The following IGSF10 variants were observed in gnomAD, a reference collection of about 807,000 sequenced individuals.
The protein encoded by IGSF10 is immunoglobulin superfamily member 10.
Under a neutral mutation model 128.2 loss-of-function variants are expected in IGSF10, and 126 were observed. The observed-to-expected ratio is 0.98, with a 90% confidence interval of 0.85 to 1.14. IGSF10 has a LOEUF of 1.14. Among genes scored for constraint, IGSF10 ranks in the 50% most tolerant of loss-of-function variants. IGSF10 has a pLI of 0.00. For synonymous variants in IGSF10, 1,185 were observed against 1,146.2 expected (o/e 1.03, Z -0.68); for missense variants, 3,295 against 3,149.8 (o/e 1.05, Z -1.10).
chr3:151,585,285 T>A, the IGSF10 span, among the ~76,000 whole-genome samples: 2 of 152,330 alleles, frequency 1.3e-5, no homozygotes, highest in South Asian at 4.1e-4. Context: ...TTGACTGTGT[T>A]TATTTCATTT....
chr3:151,435,664 A>AAATT (rs1449611289), downstream of IGSF10: 1 of 152,194 alleles, frequency 6.6e-6, no homozygotes, highest in African/African-American at 2.4e-5. Context: ...GATGCTGGAG[A>AAATT]AATTACACTG....
chr3:151,449,376 G>A (rs1721400814), intron 5 of IGSF10, 111 bp from the exon 6 acceptor site: 11 of 1,076,948 alleles, frequency 1.0e-5, no homozygotes, highest in Non-Finnish European at 1.3e-5. Context: ...AAATTTTAGT[G>A]TTCAATGGAA....
chr3:151,493,402 C>T, the IGSF10 span, among the ~76,000 whole-genome samples: 8 of 152,176 alleles, frequency 5.3e-5, no homozygotes, highest in South Asian at 1.4e-3. Flanking sequence ...GATGGACCCC[C>T]ATATACCAGG....
chr3:151,595,542 A>G, the IGSF10 span, among the ~76,000 whole-genome samples: 3 of 148,892 alleles, frequency 2.0e-5, no homozygotes, highest in African/African-American at 7.3e-5. Flanking sequence ...ATATTCTATT[A>G]TAGAATAAAA....
the IGSF10 span, among the ~76,000 whole-genome samples, chr3:151,587,541 AT>A: frequency 6.6e-6 from 1 of 152,074 alleles, no homozygotes; most frequent in Admixed American, 6.6e-5. Context: ...TATTGCTTGT[AT>A]AGGATTACAA....
chr3:151,520,580 T>C, the IGSF10 span, among the ~76,000 whole-genome samples: 18 of 151,770 alleles, frequency 1.2e-4, no homozygotes, highest in Middle Eastern at 3.2e-3. Flanking sequence ...CTATATTCAA[T>C]ATCTTTAAAG....
At chr3:151,537,761 T>G in the IGSF10 span, among the ~76,000 whole-genome samples, 1 of 152,192 alleles carries the variant, frequency 6.6e-6, no homozygotes, top group Admixed American at 6.5e-5. Context: ...TGTCAAGCTC[T>G]CTGATCTGTA....
the IGSF10 span, among the ~76,000 whole-genome samples, chr3:151,600,866 C>T: frequency 1.3e-5 from 2 of 152,020 alleles, no homozygotes; most frequent in African/African-American, 4.8e-5. Context: ...TGAAGTTGGA[C>T]ATTGTTTCAT....
rs758158018 is a variant in IGSF10, at chr3:151,445,527, GCTCT to G, written c.4450_4453del (p.Arg1484GlnfsTer14). The G allele has an allele frequency of 3.7e-6, 6 of 1,614,174 alleles. No individual in the cohort carries two copies. The highest frequency in any genetic ancestry group is 1.7e-5 in the Admixed American group (1 of 60,024). ...GGGAGTCGCCACGTTGTCAGTAACT[GCTCT>G]CTGAGTAAAGGGAGGGGAGATGGGA... On this transcript the variant is annotated frameshift_variant, in exon 6 of 8. Coordinates refer to ENST00000282466, the MANE Select transcript of IGSF10 (RefSeq NM_178822.5). LOFTEE classifies it high-confidence loss of function.
At chr3:151,511,928 T>C in the IGSF10 span, among the ~76,000 whole-genome samples, 3 of 152,114 alleles carry the variant, frequency 2.0e-5, no homozygotes, top group African/African-American at 7.2e-5. Flanking sequence ...CCTAAATATA[T>C]ATGCACCCAA....
chr3:151,512,849 A>C, the IGSF10 span, among the ~76,000 whole-genome samples: 1 of 152,222 alleles, frequency 6.6e-6, no homozygotes, highest in East Asian at 1.9e-4. Context: ...TATGCAAATA[A>C]ACTACAAAAT....
the IGSF10 span, among the ~76,000 whole-genome samples, chr3:151,525,718 C>T: frequency 2.8e-4 from 42 of 152,206 alleles, no homozygotes; most frequent in African/African-American, 9.2e-4. Context: ...ACATGCCCCA[C>T]TCCATACCCT....
At chr3:151,449,680 G>A (rs1256929985) in intron 5 of IGSF10, among the ~76,000 whole-genome samples, 2 of 152,172 alleles carry the variant, frequency 1.3e-5, no homozygotes, top group Non-Finnish European at 2.9e-5. Flanking sequence ...GGACCTCACT[G>A]TTCTTTAAAA....
chr3:151,529,906 C>T, the IGSF10 span, among the ~76,000 whole-genome samples: 2 of 151,982 alleles, frequency 1.3e-5, no homozygotes, highest in East Asian at 3.9e-4. Context: ...TAATAACAAA[C>T]TCCTCCGAGT....
chr3:151,524,520 C>T, the IGSF10 span, among the ~76,000 whole-genome samples: 1 of 152,126 alleles, frequency 6.6e-6, no homozygotes, highest in Non-Finnish European at 1.5e-5. Context: ...AGCAAACTAA[C>T]ACAGGAACAG....
the IGSF10 span, among the ~76,000 whole-genome samples, chr3:151,539,814 A>ATCTG: frequency 7.0e-6 from 1 of 142,464 alleles, no homozygotes; most frequent in African/African-American, 2.6e-5. Context: ...CTATCTATCT[A>ATCTG]TCATCTATCT....
At chr3:151,614,706 G>A in the IGSF10 span, among the ~76,000 whole-genome samples, 1 of 151,990 alleles carries the variant, frequency 6.6e-6, no homozygotes, top group African/African-American at 2.4e-5. Flanking sequence ...AGCATTAGGC[G>A]ACATACCTAA....
chr3:151,535,059 A>G, the IGSF10 span, among the ~76,000 whole-genome samples: 56,664 of 151,882 alleles, frequency 0.37, 10,838 homozygotes, highest in Middle Eastern at 0.47. Flanking sequence ...TTTCTCATCT[A>G]TAAAATTAAA....
chr3:151,605,275 G>A, the IGSF10 span, among the ~76,000 whole-genome samples: 11 of 151,956 alleles, frequency 7.2e-5, no homozygotes. Context: ...TAAATTTAAT[G>A]TGTAGGCAAA....
Sources: allele counts gnomAD v4.1 joint callset (sites outside exome capture counted in the v4.1 genomes callset), GRCh38; gene constraint gnomAD v4.1.1; transcripts MANE v1.5; gene names NCBI Gene and HGNC (gene_info 2026-07-23, HGNC 2026-07-21).